Variants in DPEP1 observed in about 807,000 individuals in gnomAD.
DPEP1 encodes dipeptidase 1, also known as beta-lactamase.
DPEP1 carries 50 observed loss-of-function variants against 42.3 expected under a neutral mutation model. That is an observed-to-expected ratio of 1.18 (90% confidence interval 0.94 to 1.50). The LOEUF (loss-of-function observed/expected upper bound fraction) is 1.50, where lower values mean the gene tolerates loss of function less well. Ranked by LOEUF, DPEP1 falls within the 40% of genes most tolerant of loss-of-function variation. DPEP1 has a pLI of 0.00. For missense variants in DPEP1, 663 were observed against 553.0 expected (o/e 1.20, Z -1.99); for synonymous variants, 297 against 234.0 (o/e 1.27, Z -2.46).
chr16:89,636,012 A>T lies in DPEP1; in HGVS notation c.209A>T (p.Lys70Met), dbSNP rs572407422. Residue 70 changes from lysine to methionine, a missense_variant, in exon 3 of 11, where the codon AAG (lysine) becomes ATG (methionine). Transcript: ENST00000690203. ...TLAGTHTNIP[K>M]LRAGFVGGQF... ...GCCGGCACACACACCAACATCCCCA[A>T]GCTGAGGGCCGGCTTTGTGGGAGGC... The T allele has an allele frequency of 1.2e-6, 2 of 1,611,676 alleles. No individual in the cohort carries two copies. Among genetic ancestry groups the T allele is most frequent in the East Asian group, 4.5e-5 (2 of 44,860 alleles).
chr16:89,636,739 C>A (rs1233522730), intron 5 of DPEP1, 56 bp downstream of exon 5: 2 of 1,603,864 alleles, frequency 1.2e-6, no homozygotes, highest in Non-Finnish European at 1.7e-6. Context: ...AGGGGGCAGA[C>A]ACTCCCTGCC....
chr16:89,638,496 T>A, downstream of DPEP1: 1 of 1,261,054 alleles, frequency 7.9e-7, no homozygotes, highest in Non-Finnish European at 1.0e-6. Context: ...AAATGGCTCC[T>A]GGTTGGACGT....
intron 1 of DPEP1, among the ~76,000 whole-genome samples, chr16:89,629,159 T>C (rs1597757104): frequency 6.6e-6 from 1 of 151,944 alleles, no homozygotes; most frequent in Admixed American, 6.6e-5. Flanking sequence ...TCATTATGGA[T>C]TTTTTTTACA....
chr16:89,631,947 G>A (rs1333320251), intron 2 of DPEP1, among the ~76,000 whole-genome samples: 2 of 152,276 alleles, frequency 1.3e-5, no homozygotes, highest in East Asian at 1.9e-4. Context: ...GGCCATGCCA[G>A]CTTCAGCCCT....
intron 1 of DPEP1, among the ~76,000 whole-genome samples, chr16:89,618,455 C>T (rs553859224): frequency 4.6e-5 from 7 of 152,204 alleles, no homozygotes; most frequent in South Asian, 4.1e-4. Flanking sequence ...TGGCCTCAAG[C>T]GATCCTCCCG....
Position 89,636,596 on chromosome 16 carries a change from C to A in DPEP1, c.434C>A (p.Ser145Tyr). The A allele has an allele frequency of 6.2e-7, 1 of 1,612,634 alleles. No individual in the cohort carries two copies. The highest frequency in any genetic ancestry group is 2.2e-5 in the East Asian group (1 of 44,870). Residue 145 changes from serine (S) to tyrosine (Y), a missense_variant, in exon 5 of 11, where the codon TCC becomes TAC. Ser to Tyr is a moderately radical substitution (Grantham distance 144). Coordinates refer to ENST00000690203, the MANE Select transcript of DPEP1 (RefSeq NM_001389466.1). ...ASLIGVEGGHSIDSSLGVLRA... is the reference protein window; with the variant it reads ...ASLIGVEGGHYIDSSLGVLRA... ...CTGATCGGCGTGGAGGGCGGCCACT[C>A]CATTGACAGCAGTTTGGGCGTCCTG...
intron 4 of DPEP1, 22 bp from the exon 5 acceptor site, chr16:89,636,510 CT>C (rs2059681430): frequency 6.2e-7 from 1 of 1,609,518 alleles, no homozygotes; most frequent in Non-Finnish European, 8.5e-7. Flanking sequence ...GCCCACTCCC[CT>C]GCACCCTGAC....
intron 3 of DPEP1, 55 bp from the exon 4 acceptor site, chr16:89,636,209 G>C: frequency 6.4e-7 from 1 of 1,573,394 alleles, no homozygotes; most frequent in African/African-American, 1.3e-5. Context: ...CAGGCATGCG[G>C]GGGGTGGGCT....
intron 1 of DPEP1, among the ~76,000 whole-genome samples, chr16:89,627,852 G>C (rs1251342499): frequency 4.6e-5 from 7 of 151,662 alleles, no homozygotes; most frequent in African/African-American, 1.7e-4. Flanking sequence ...TAGAGAAGGG[G>C]TTTCACCATG....
chr16:89,640,489 A>AT, downstream of DPEP1: 3 of 891,536 alleles, frequency 3.4e-6, no homozygotes, highest in South Asian at 1.6e-4. Context: ...ATGCCCTTCC[A>AT]TGGAGCAGCA....
chr16:89,617,574 G>A (rs113535984), intron 1 of DPEP1, among the ~76,000 whole-genome samples: 8 of 141,152 alleles, frequency 5.7e-5, no homozygotes, highest in Non-Finnish European at 1.1e-4. Flanking sequence ...GCGGCCGGGC[G>A]CGGCGGCTCA....
intron 1 of DPEP1, among the ~76,000 whole-genome samples, chr16:89,624,493 G>A (rs1032059912): frequency 1.3e-5 from 2 of 151,986 alleles, no homozygotes; most frequent in African/African-American, 4.8e-5. Context: ...AGAAAGGTCG[G>A]GAGTGGGGTG....
chr16:89,629,674 C>T (rs1472884210), intron 1 of DPEP1, among the ~76,000 whole-genome samples: 2 of 152,202 alleles, frequency 1.3e-5, no homozygotes, highest in Non-Finnish European at 2.9e-5. Context: ...GCCCAGGAGC[C>T]CTCGGGCGAC....
At chr16:89,626,120 C>T (rs543676197) in intron 1 of DPEP1, among the ~76,000 whole-genome samples, 3 of 152,274 alleles carry the variant, frequency 2.0e-5, no homozygotes, top group East Asian at 3.9e-4. Context: ...GAGATTCTTG[C>T]GATGTGTGAA....
intron 2 of DPEP1, among the ~76,000 whole-genome samples, chr16:89,631,384 C>A (rs2460451): frequency 0.33 from 50,305 of 152,062 alleles, 10,387 homozygotes; most frequent in Middle Eastern, 0.63. Context: ...TGGAGGCCTC[C>A]TGCTTCCAGG....
At chr16:89,616,511 T>C (rs2059380363) in intron 1 of DPEP1, among the ~76,000 whole-genome samples, 1 of 152,130 alleles carries the variant, frequency 6.6e-6, no homozygotes, top group Non-Finnish European at 1.5e-5. Flanking sequence ...ACCCAGCGTG[T>C]ATGGCCGACC....
intron 1 of DPEP1, among the ~76,000 whole-genome samples, chr16:89,628,247 C>CTTTTTTTTTT (rs1334855414): frequency 1.2e-5 from 1 of 84,576 alleles, no homozygotes; most frequent in African/African-American, 5.6e-5. Context: ...TTCTTTCTTT[C>CTTTTTTTTTT]TTTTCTTTCT....
rs139747544 is a variant in DPEP1, at chr16:89,638,053, C to T, written c.1067C>T (p.Ala356Val). 1.9e-6 allele frequency: 3 copies of T among 1,612,008 alleles called. No individual in the cohort carries two copies. The African/African-American group carries it at 4.0e-5, about 22-fold the overall frequency. ...LLRVFEAVEQ[A>V]SNLTQAPEEE... ...CCACCCGTGTCTGTCTGTCCCCAGG[C>T]CAGCAACCTCACACAGGCTCCCGAG... The change falls in exon 11 of 11, where the codon GCC (alanine) becomes GTC (valine). Residue 356 changes from alanine to valine, a missense_variant and splice_region_variant. Physicochemically the swap from Ala to Val is moderately conservative, Grantham distance 64 (BLOSUM62 0). Transcript: ENST00000690203.
chr16:89,633,290 T>C (rs925225702), intron 2 of DPEP1, among the ~76,000 whole-genome samples: 7 of 152,264 alleles, frequency 4.6e-5, no homozygotes, highest in Admixed American at 2.6e-4. Context: ...GGACTCGCTG[T>C]GGCCAGGGAC....
Sources: gnomAD v4.1 joint callset for allele counts (sites outside exome capture counted in the v4.1 genomes callset) on GRCh38, gnomAD v4.1.1 for gene constraint, MANE v1.5 for transcripts, NCBI Gene and HGNC (gene_info 2026-07-23, HGNC 2026-07-21) for gene names.